Variants in HPSE2 observed in about 807,000 individuals in gnomAD.
The protein encoded by HPSE2 is inactive heparanase-2.
A neutral mutation model predicts 60.5 loss-of-function variants in HPSE2; 38 were observed. The ratio of observed to expected loss-of-function variants is 0.63; its 90% CI spans 0.48 to 0.82. HPSE2 has a LOEUF of 0.82. Ranked by LOEUF, HPSE2 falls within the 40% of genes least tolerant of loss-of-function variation. The pLI, the probability that HPSE2 is intolerant of heterozygous loss-of-function variation, is 0.00. For missense variants in HPSE2, 713 were observed against 740.4 expected, an observed-to-expected ratio of 0.96 and a Z score of 0.43; for synonymous variants, 295 against 293.2, an observed-to-expected ratio of 1.01 and a Z score of -0.06.
intron 4 of HPSE2, among the ~76,000 whole-genome samples, chr10:98,739,489 A>C (rs1370784975): frequency 6.6e-6 from 1 of 152,112 alleles, no homozygotes; most frequent in East Asian, 1.9e-4. Flanking sequence ...AAAAGTACAT[A>C]AATACATCAT....
intron 3 of HPSE2, among the ~76,000 whole-genome samples, chr10:98,982,077 G>A (rs184546487): frequency 3.0e-4 from 44 of 147,492 alleles, no homozygotes; most frequent in African/African-American, 9.8e-4. Context: ...GTTTCTCCTC[G>A]TTCAACATAC....
intron 3 of HPSE2, among the ~76,000 whole-genome samples, chr10:98,804,308 C>A (rs1218646227): frequency 6.6e-6 from 1 of 151,754 alleles, no homozygotes; most frequent in Non-Finnish European, 1.5e-5. Flanking sequence ...AACACTTTTG[C>A]ACAGCAAAGG....
intron 9 of HPSE2, among the ~76,000 whole-genome samples, chr10:98,506,896 G>A (rs2133728736): frequency 6.6e-6 from 1 of 152,204 alleles, no homozygotes; most frequent in South Asian, 2.1e-4. Flanking sequence ...GTACATTACT[G>A]GACAGAAGCC....
intron 3 of HPSE2, among the ~76,000 whole-genome samples, chr10:98,841,467 T>C (rs930221877): frequency 4.6e-5 from 7 of 152,206 alleles, no homozygotes; most frequent in African/African-American, 1.7e-4. Flanking sequence ...TGTATTTAGC[T>C]TTATTAAAAA....
At chr10:98,771,338 T>A (rs1242424519) in intron 3 of HPSE2, among the ~76,000 whole-genome samples, 1 of 152,182 alleles carries the variant, frequency 6.6e-6, no homozygotes, top group Non-Finnish European at 1.5e-5. Context: ...TAGGCCCATT[T>A]AGATGGATTT....
intron 3 of HPSE2, among the ~76,000 whole-genome samples, chr10:98,854,587 C>G (rs185908721): frequency 3.3e-5 from 5 of 152,194 alleles, no homozygotes; most frequent in Admixed American, 3.3e-4. Context: ...ACATAAACAG[C>G]TAGGGGGACA....
At chr10:99,118,834 T>C (rs1844820078) in intron 3 of HPSE2, among the ~76,000 whole-genome samples, 1 of 151,802 alleles carries the variant, frequency 6.6e-6, no homozygotes, top group African/African-American at 2.4e-5. Context: ...CTGGCCAACA[T>C]GATGAAACCC....
At chr10:98,698,990 C>A (rs1948320751) in intron 5 of HPSE2, among the ~76,000 whole-genome samples, 1 of 152,092 alleles carries the variant, frequency 6.6e-6, no homozygotes, top group Non-Finnish European at 1.5e-5. Flanking sequence ...GAAATTGTGG[C>A]AATAATCAAT....
intron 3 of HPSE2, among the ~76,000 whole-genome samples, chr10:98,954,850 C>A (rs1313938625): frequency 6.6e-6 from 1 of 151,684 alleles, no homozygotes; most frequent in Non-Finnish European, 1.5e-5. Flanking sequence ...CTACCAATAA[C>A]CCAATTTGAT....
At chr10:99,079,383 G>A (rs1843055813) in intron 3 of HPSE2, among the ~76,000 whole-genome samples, 1 of 152,166 alleles carries the variant, frequency 6.6e-6, no homozygotes, top group Admixed American at 6.5e-5. Context: ...CAAGTGGCTA[G>A]AGTATGCCAG....
chr10:98,505,579 T>C lies in HPSE2; in HGVS notation c.1321-15383A>G, dbSNP rs563524947. 3.3e-4 allele frequency among the ~76,000 whole-genome samples: 50 copies of C among 152,324 alleles called. 2 individuals carry two copies. The South Asian group carries it at 8.9e-3, about 27-fold the overall frequency. ...CTTTCAGACTTCTTAATTTTCTCTTTTTGTGTGTTAAGAAGTCCTTCCCTA... is the reference window on the plus strand; with the variant it reads ...CTTTCAGACTTCTTAATTTTCTCTTCTTGTGTGTTAAGAAGTCCTTCCCTA... On this transcript the variant is annotated intron_variant, in intron 9 of 11. Coordinates refer to ENST00000370552, the MANE Select transcript of HPSE2 (RefSeq NM_021828.5).
intron 9 of HPSE2, among the ~76,000 whole-genome samples, chr10:98,539,478 G>A (rs775869503): frequency 6.6e-6 from 1 of 152,112 alleles, no homozygotes; most frequent in African/African-American, 2.4e-5. Context: ...CCCAGATCAC[G>A]CCATTGCACT....
At chr10:99,256,308 G>C in the HPSE2 span, among the ~76,000 whole-genome samples, 1 of 148,510 alleles carries the variant, frequency 6.7e-6, no homozygotes, top group Non-Finnish European at 1.5e-5. Flanking sequence ...AAAAAGGCTT[G>C]AGCCTGCAAG....
intron 11 of HPSE2, among the ~76,000 whole-genome samples, chr10:98,465,273 T>G (rs143172437): frequency 3.3e-5 from 5 of 152,342 alleles, no homozygotes; most frequent in African/African-American, 9.6e-5. Flanking sequence ...AAAGGCACTA[T>G]GCTATGATTT....
chr10:98,977,047 T>A (rs897386086), intron 3 of HPSE2, among the ~76,000 whole-genome samples: 1 of 152,208 alleles, frequency 6.6e-6, no homozygotes, highest in African/African-American at 2.4e-5. Flanking sequence ...AGCCTTCTAA[T>A]GAAGCCTGGA....
intron 6 of HPSE2, among the ~76,000 whole-genome samples, chr10:98,655,570 C>T (rs1947038055): frequency 6.6e-6 from 1 of 152,130 alleles, no homozygotes; most frequent in Non-Finnish European, 1.5e-5. Context: ...CATTGATTGT[C>T]AGTTTGTTTA....
At chr10:98,646,322 C>CT (rs5787294) in intron 6 of HPSE2, among the ~76,000 whole-genome samples, 8 of 145,014 alleles carry the variant, frequency 5.5e-5, no homozygotes, top group African/African-American at 1.5e-4. Flanking sequence ...TTTCTTTTTT[C>CT]TTTTTTTTTT....
At chr10:98,587,102 TATC>T (rs1944960730) in intron 9 of HPSE2, among the ~76,000 whole-genome samples, 1 of 152,246 alleles carries the variant, frequency 6.6e-6, no homozygotes, top group African/African-American at 2.4e-5. Flanking sequence ...TCTTTATCAT[TATC>T]ATCATTATCA....
intron 3 of HPSE2, among the ~76,000 whole-genome samples, chr10:99,036,253 T>C (rs547461998): frequency 6.6e-6 from 1 of 152,014 alleles, no homozygotes; most frequent in East Asian, 1.9e-4. Flanking sequence ...TAAATAAATA[T>C]GATTCTACAA....
Sources: allele counts gnomAD v4.1 joint callset (sites outside exome capture counted in the v4.1 genomes callset), GRCh38; gene constraint gnomAD v4.1.1; transcripts MANE v1.5; gene names NCBI Gene and HGNC (gene_info 2026-07-23, HGNC 2026-07-21).